Variants in RNPS1 observed in about 807,000 individuals in gnomAD.
RNPS1 encodes RNA-binding protein with serine-rich domain 1.
For synonymous variants in RNPS1, 147 were observed against 150.0 expected, an observed-to-expected ratio of 0.98 and a Z score of 0.15; for missense variants, 300 against 427.6, an observed-to-expected ratio of 0.70 and a Z score of 2.63.
intron 1 of RNPS1, chr16:2,267,759 G>T: frequency 2.3e-6 from 3 of 1,329,566 alleles, no homozygotes; most frequent in South Asian, 3.6e-5. Flanking sequence ...CCCCAAGGGC[G>T]GAGGCCGCGC....
chr16:2,267,600 T>C (rs1449879842), intron 1 of RNPS1: 7 of 1,071,110 alleles, frequency 6.5e-6, no homozygotes, highest in Non-Finnish European at 7.9e-6. Context: ...ACAAAGAAAC[T>C]CCGCGCCCGC....
intron 7 of RNPS1, 126 bp downstream of exon 7, chr16:2,255,459 G>T: frequency 8.8e-7 from 1 of 1,134,808 alleles, no homozygotes; most frequent in Non-Finnish European, 1.3e-6. Context: ...GCTCTGAAGG[G>T]CTCCTGCTCT....
intron 1 of RNPS1, 35 bp from the exon 2 acceptor site, chr16:2,264,795 G>A: frequency 1.6e-5 from 23 of 1,441,052 alleles, no homozygotes; most frequent in Non-Finnish European, 2.0e-5. Context: ...AAGAGTGAAC[G>A]AATTGGCAAG....
chr16:2,267,899 C>T lies in RNPS1; in HGVS notation c.-118+156G>A, dbSNP rs1462813324. 9.8e-6 allele frequency: 15 copies of T among 1,534,062 alleles called. No homozygotes were observed. The South Asian group carries it at 1.2e-4, about 12-fold the overall frequency. On this transcript the variant is annotated intron_variant, in intron 1 of 7. Transcript: ENST00000320225. ...CCTCGACACCTCCCACTCCGCCCGC[C>T]CCGGGCCACACTCTTTCTTCTCGGA... is the stretch of plus-strand genomic sequence containing the variant.
rs763651362 is a variant in RNPS1, at chr16:2,262,448, G to A, written c.523-17C>T. On this transcript the variant is annotated splice_polypyrimidine_tract_variant and intron_variant, in intron 5 of 7. Transcript: ENST00000320225. The stretch of plus-strand genomic sequence containing the variant: ...GATGTGATCCTAGAGGGAAAGAAGG[G>A]TCACGCCAACGCCCAGCTACCAGTC... 3 of 1,613,628 alleles carry A rather than the reference G, an allele frequency of 1.9e-6. No homozygotes were observed. The highest frequency in any genetic ancestry group is 2.2e-5 in the South Asian group (2 of 91,080).
chr16:2,267,254 G>A lies in RNPS1; in HGVS notation c.-118+801C>T, dbSNP rs531669934. On this transcript the variant is annotated intron_variant, in intron 1 of 7. Transcript: ENST00000320225. Reference sequence around the variant, plus strand: ...GTGCGCGTCCAACAGCCAGAGAGAGGAGAGAACAATTAGTTAAATCTCGAG... The same window carrying A: ...GTGCGCGTCCAACAGCCAGAGAGAGAAGAGAACAATTAGTTAAATCTCGAG... The A allele has an allele frequency of 4.2e-5, 41 of 985,400 alleles. 1 individual carries two copies. In the African/African-American group the frequency reaches 6.1e-4, roughly 15 times the overall value. 61.0% of individuals were successfully genotyped at this position (985,400 alleles called of 1,614,324 possible). A position where few individuals can be genotyped will look rare whatever the true frequency, so the allele number is the denominator to read the frequency against.
rs1567317731 is a variant in RNPS1, at chr16:2,253,219, C to G, written c.*745G>C. The G allele has an allele frequency of 6.6e-6, 1 of 152,382 alleles. No individual in the cohort carries two copies. Among genetic ancestry groups the G allele is most frequent in the African/African-American group, 2.4e-5 (1 of 41,376 alleles). 9.4% of individuals were successfully genotyped at this position (152,382 alleles called of 1,614,324 possible). A position where few individuals can be genotyped will look rare whatever the true frequency, so the allele number is the denominator to read the frequency against. ...TAAAATGCTACAAAGGTATAAAACTCAAAAGAGAAATTTTATAGTACTGAC... is the reference window on the plus strand; with the variant it reads ...TAAAATGCTACAAAGGTATAAAACTGAAAAGAGAAATTTTATAGTACTGAC... On this transcript the variant is annotated 3_prime_UTR_variant, in exon 8 of 8. Coordinates refer to ENST00000320225, the MANE Select transcript of RNPS1 (RefSeq NM_080594.4).
intron 6 of RNPS1, chr16:2,257,074 T>C (rs1381625493): frequency 6.6e-6 from 1 of 152,004 alleles, no homozygotes; most frequent in Non-Finnish European, 1.5e-5. Flanking sequence ...GCTCTGCATG[T>C]AGATGGCACT....
At chr16:2,267,880 C>T in intron 1 of RNPS1, 175 bp downstream of exon 1, 5 of 1,516,696 alleles carry the variant, frequency 3.3e-6, no homozygotes, top group Non-Finnish European at 3.5e-6. Flanking sequence ...ACGGCCTCGA[C>T]ACCTCCCACT....
Position 2,262,268 on chromosome 16 carries a change from G to A in RNPS1, c.676+10C>T. On this transcript the variant is annotated intron_variant, in intron 6 of 7. Coordinates refer to ENST00000320225, the MANE Select transcript of RNPS1 (RefSeq NM_080594.4). ...CTGAGAGGTCAGGGTTATGTGGCAG[G>A]GTCACCCACCTCCATCCATGTGCTT... The A allele has an allele frequency of 6.2e-7, 1 of 1,611,740 alleles. No individual in the cohort carries two copies. Among genetic ancestry groups the A allele is most frequent in the Non-Finnish European group, 8.5e-7 (1 of 1,179,566 alleles).
intron 4 of RNPS1, 92 bp from the exon 5 acceptor site, chr16:2,262,934 A>G (rs1363119710): frequency 7.6e-7 from 1 of 1,315,576 alleles, no homozygotes; most frequent in Admixed American, 2.0e-5. Context: ...CTTGTGTGAC[A>G]GTTTTCATAA....
intron 1 of RNPS1, 81 bp from the exon 2 acceptor site, chr16:2,264,841 A>G: frequency 8.2e-7 from 1 of 1,221,398 alleles, no homozygotes; most frequent in South Asian, 1.6e-5. Flanking sequence ...AGCTGAGCAC[A>G]CAAAAAGGCA....
rs2093632946 is a variant in RNPS1 at position 2,268,092 on chromosome 16, G to A, written c.-155C>T. On this transcript the variant is annotated 5_prime_UTR_variant, in exon 1 of 8. Coordinates refer to ENST00000320225, the MANE Select transcript of RNPS1 (RefSeq NM_080594.4). ...CCGCCACCTCCTCCTGCTTTCCTCA[G>A]CCGCCGAGGCCGGCGCCGCTCTGAC... 1 of 1,535,254 alleles carries A rather than the reference G, an allele frequency of 6.5e-7. No individual in the cohort carries two copies.
intron 1 of RNPS1, 71 bp downstream of exon 1, chr16:2,267,984 A>G: frequency 6.5e-7 from 1 of 1,533,296 alleles, no homozygotes; most frequent in East Asian, 2.4e-5. Flanking sequence ...GACCGGCTTC[A>G]CGAGGCGTCC....
chr16:2,267,544 A>C, intron 1 of RNPS1: 3 of 1,042,622 alleles, frequency 2.9e-6, no homozygotes, highest in Non-Finnish European at 3.5e-6. Context: ...ACACGTTTGA[A>C]TTAATGACTC....
At chr16:2,265,105 A>G (rs2093619876) in intron 1 of RNPS1, 1 of 159,242 alleles carries the variant, frequency 6.3e-6, no homozygotes, top group African/African-American at 2.4e-5. Context: ...CCACATTCAC[A>G]TGCAGAACAG....
intron 6 of RNPS1, chr16:2,258,029 A>C (rs1263690636): frequency 2.0e-5 from 3 of 152,224 alleles, no homozygotes; most frequent in African/African-American, 7.2e-5. Flanking sequence ...ATGCCACCCG[A>C]AACTATTCAC....
At chr16:2,260,510 C>T (rs1027438225) in intron 6 of RNPS1, among the ~76,000 whole-genome samples, 4 of 150,314 alleles carry the variant, frequency 2.7e-5, no homozygotes, top group Admixed American at 2.6e-4. Flanking sequence ...AAAAACCGGC[C>T]TCCTATTTTG....
Position 2,253,899 on chromosome 16 carries a change from A to T in RNPS1, c.*65T>A, listed in dbSNP as rs1204393489. 7.0e-6 allele frequency: 10 copies of T among 1,421,620 alleles called. No individual in the cohort carries two copies. In the East Asian group the frequency reaches 9.9e-5, roughly 14 times the overall value. 88.1% of individuals were successfully genotyped at this position (1,421,620 alleles called of 1,614,324 possible). ...CTTTCCTACTGGTCTTCCTTTGGCT[A>T]GAAAAGTGACAAAACTGAGCTGGGT... On this transcript the variant is annotated 3_prime_UTR_variant, in exon 8 of 8. Coordinates refer to ENST00000320225, the MANE Select transcript of RNPS1 (RefSeq NM_080594.4).
Sources: allele counts gnomAD v4.1 joint callset (sites outside exome capture counted in the v4.1 genomes callset), GRCh38; gene constraint gnomAD v4.1.1; transcripts MANE v1.5; gene names NCBI Gene and HGNC (gene_info 2026-07-23, HGNC 2026-07-21).